The following PDCD6 variants were observed in gnomAD, a reference collection of about 807,000 sequenced individuals.
The protein encoded by PDCD6 is programmed cell death 6.
Under a neutral mutation model 28.3 loss-of-function variants are expected in PDCD6, and 12 were observed. The observed-to-expected ratio is 0.42, with a 90% CI of 0.27 to 0.69. PDCD6 has a LOEUF of 0.69. Among genes scored for constraint, PDCD6 ranks in the 30% least tolerant of loss-of-function variants. The probability of loss-of-function intolerance (pLI) is 0.22; values close to 1 mark genes in which losing one functional copy is unlikely to be tolerated. For synonymous variants in PDCD6, 92 were observed against 108.0 expected, an observed-to-expected ratio of 0.85 and a Z score of 0.92; for missense variants, 226 against 269.9, an observed-to-expected ratio of 0.84 and a Z score of 1.14.
At chr5:277,362 C>T (rs1738266773) in intron 2 of PDCD6, among the ~76,000 whole-genome samples, 1 of 142,114 alleles carries the variant, frequency 7.0e-6, no homozygotes, top group African/African-American at 2.7e-5. Flanking sequence ...AGTGCGGTGG[C>T]ACTATCTTGG....
intron 2 of PDCD6, among the ~76,000 whole-genome samples, chr5:284,285 C>A (rs2126704745): frequency 6.6e-6 from 1 of 152,126 alleles, no homozygotes; most frequent in South Asian, 2.1e-4. Flanking sequence ...AGTTGAGGGT[C>A]TTGCAACTGA....
chr5:282,510 T>C (rs1738640568), intron 2 of PDCD6, among the ~76,000 whole-genome samples: 1 of 148,286 alleles, frequency 6.7e-6, no homozygotes, highest in Non-Finnish European at 1.5e-5. Context: ...AGCTGAAGAC[T>C]CTGGGAGGAG....
intron 2 of PDCD6, among the ~76,000 whole-genome samples, chr5:293,994 G>A (rs1284897609): frequency 3.5e-5 from 5 of 143,114 alleles, no homozygotes; most frequent in East Asian, 1.9e-4. Context: ...AGCTGCAAAC[G>A]CCCGCGATAC....
chr5:291,265 C>G (rs1739295963), intron 2 of PDCD6, among the ~76,000 whole-genome samples: 2 of 152,286 alleles, frequency 1.3e-5, no homozygotes, highest in Non-Finnish European at 2.9e-5. Flanking sequence ...TGCTCTGTTG[C>G]CTCGGCTGTA....
chr5:286,961 G>T (rs1307976208), intron 2 of PDCD6, among the ~76,000 whole-genome samples: 1 of 152,080 alleles, frequency 6.6e-6, no homozygotes, highest in Non-Finnish European at 1.5e-5. Context: ...GATACAGTGG[G>T]GAGCAGTGTT....
At chr5:275,594 C>G (rs1336131480) in intron 2 of PDCD6, among the ~76,000 whole-genome samples, 3 of 152,334 alleles carry the variant, frequency 2.0e-5, no homozygotes, top group African/African-American at 7.2e-5. Flanking sequence ...TCTTCACTTT[C>G]TTCTCAACCA....
intron 2 of PDCD6, among the ~76,000 whole-genome samples, chr5:290,882 C>G (rs1343054341): frequency 1.3e-5 from 2 of 152,222 alleles, no homozygotes; most frequent in Admixed American, 1.3e-4. Context: ...ATGAATGTTC[C>G]TTCCTGATGT....
intron 2 of PDCD6, among the ~76,000 whole-genome samples, chr5:295,463 G>C (rs1475302585): frequency 6.7e-6 from 1 of 150,234 alleles, no homozygotes; most frequent in African/African-American, 2.4e-5. Flanking sequence ...AAGCAATATA[G>C]TAAAACAATG....
At chr5:312,602 G>C (rs1205740931) in intron 5 of PDCD6, among the ~76,000 whole-genome samples, 2 of 152,084 alleles carry the variant, frequency 1.3e-5, no homozygotes, top group Non-Finnish European at 2.9e-5. Flanking sequence ...TGCCTCTCGG[G>C]GTTCCTGCCA....
chr5:314,516 C>A lies in PDCD6; in HGVS notation c.*1C>A, dbSNP rs771978012. On this transcript the variant is annotated 3_prime_UTR_variant, in exon 6 of 6. Coordinates refer to ENST00000264933, the MANE Select transcript of PDCD6 (RefSeq NM_013232.4). ...GTCCATGGTCTTCAGTATCGTATGA[C>A]CCTGGCCTCTCGTGAAGAGCAGCAC... is the stretch of plus-strand genomic sequence containing the variant. The A allele has an allele frequency of 2.9e-5, 46 of 1,606,208 alleles. 1 individual carries two copies. Among genetic ancestry groups the A allele is most frequent in the Non-Finnish European group, 3.9e-5 (46 of 1,173,178 alleles).
intron 2 of PDCD6, chr5:290,130 A>G: frequency 1.3e-6 from 2 of 1,586,732 alleles, no homozygotes; most frequent in Admixed American, 3.3e-5. Flanking sequence ...CTCTTGGCTC[A>G]GGAGCTGAAG....
In PDCD6 at chr5:285,953, TAGCTGATGTTCCAGTTTGAGGGCCGTGC is replaced by T. The variant is rs1483974358; in HGVS notation, c.163+13187_163+13214del. Among the ~76,000 whole-genome samples the T allele has an allele frequency of 3.5e-5, 3 of 85,862 alleles. No homozygotes were observed. In the East Asian group the frequency reaches 1.1e-3, roughly 33 times the overall value. The allele number at this position is 85,862 out of a possible 152,430, so 56.3% of individuals were successfully genotyped here. On this transcript the variant is annotated intron_variant, in intron 2 of 5. Transcript: ENST00000264933. Reference sequence around the variant, plus strand: ...GCTGTGCAGCTTGAGACCCGGCGGGTAGCTGATGTTCCAGTTTGAGGGCCGTGCAGCTGGAGACCCAGGTGGGAGCTGT... The same window carrying T: ...GCTGTGCAGCTTGAGACCCGGCGGGTAGCTGGAGACCCAGGTGGGAGCTGT...
chr5:312,473 G>A (rs1025171798), intron 5 of PDCD6: 1 of 152,212 alleles, frequency 6.6e-6, no homozygotes, highest in Admixed American at 6.5e-5. Flanking sequence ...CTGTAAAAGT[G>A]AGTTTCCTCT....
intron 2 of PDCD6, among the ~76,000 whole-genome samples, chr5:279,216 A>T (rs1452625203): frequency 6.6e-6 from 1 of 151,862 alleles, no homozygotes; most frequent in African/African-American, 2.4e-5. Context: ...TAAGAGTATG[A>T]CGCAGCCGCA....
intron 4 of PDCD6, chr5:309,360 T>A (rs1006540907): frequency 6.4e-6 from 1 of 155,198 alleles, no homozygotes; most frequent in African/African-American, 2.4e-5. Context: ...AAACATTCTT[T>A]TTGTAGTTCG....
At chr5:272,366 G>GAA (rs1245175666) in intron 1 of PDCD6, among the ~76,000 whole-genome samples, 3 of 149,076 alleles carry the variant, frequency 2.0e-5, no homozygotes, top group Non-Finnish European at 3.0e-5. Flanking sequence ...TCCACCGAAT[G>GAA]TCCGAAACTG....
intron 2 of PDCD6, among the ~76,000 whole-genome samples, chr5:281,031 G>C (rs1190242882): frequency 1.3e-5 from 2 of 152,152 alleles, no homozygotes; most frequent in African/African-American, 2.4e-5. Flanking sequence ...TGCACAGGCA[G>C]AGAGAAATAA....
intron 2 of PDCD6, among the ~76,000 whole-genome samples, chr5:279,015 C>A (rs183607558): frequency 6.6e-6 from 1 of 152,266 alleles, no homozygotes; most frequent in African/African-American, 2.4e-5. Flanking sequence ...TTCTTCCCAA[C>A]AGAGAGGCCC....
At chr5:311,027 T>C in intron 4 of PDCD6, 2 of 413,914 alleles carry the variant, frequency 4.8e-6, no homozygotes, top group Non-Finnish European at 8.8e-6. Flanking sequence ...CAGGAGTGAC[T>C]AATGGCAGCG....
Sources: allele counts gnomAD v4.1 joint callset (sites outside exome capture counted in the v4.1 genomes callset), GRCh38; gene constraint gnomAD v4.1.1; transcripts MANE v1.5; gene names NCBI Gene and HGNC (gene_info 2026-07-23, HGNC 2026-07-21).